The following ARFGEF3 variants were observed in gnomAD, a reference collection of about 807,000 sequenced individuals.
The protein encoded by ARFGEF3 is ARFGEF family member 3, also known as brefeldin A-inhibited guanine nucleotide-exchange protein 3.
ARFGEF3 carries 96 observed loss-of-function variants against 221.7 expected under a neutral mutation model. The observed-to-expected ratio is 0.43, with a 90% CI of 0.37 to 0.51. ARFGEF3 has a LOEUF of 0.51. Among genes scored for constraint, ARFGEF3 ranks in the 20% least tolerant of loss-of-function variants. The pLI is 0.00. For missense variants in ARFGEF3, 2,410 were observed against 2,789.9 expected (o/e 0.86, Z 3.07); for synonymous variants, 1,145 against 1,126.8 (o/e 1.02, Z -0.32).
intron 5 of ARFGEF3, among the ~76,000 whole-genome samples, chr6:138,236,981 C>T (rs1198734118): frequency 3.6e-5 from 5 of 139,102 alleles, no homozygotes; most frequent in Non-Finnish European, 7.5e-5. Context: ...TGGGTTTTGT[C>T]GAGGTTGAGA....
chr6:138,335,692 A>G (rs918415226), intron 33 of ARFGEF3, among the ~76,000 whole-genome samples: 8 of 152,250 alleles, frequency 5.3e-5, no homozygotes, highest in African/African-American at 1.9e-4. Context: ...CTTGGATGAC[A>G]TAGAGAGACC....
chr6:138,266,577 C>T (rs1583040120), intron 12 of ARFGEF3, among the ~76,000 whole-genome samples: 1 of 151,990 alleles, frequency 6.6e-6, no homozygotes, highest in African/African-American at 2.4e-5. Context: ...CGGCTGGGTG[C>T]GGTGGCTCAC....
chr6:138,220,263 G>A (rs189611272), intron 4 of ARFGEF3, among the ~76,000 whole-genome samples: 146 of 152,150 alleles, frequency 9.6e-4, no homozygotes, highest in African/African-American at 3.4e-3. Context: ...TTGGCCTCCC[G>A]AAGTGCTAGG....
intron 4 of ARFGEF3, among the ~76,000 whole-genome samples, chr6:138,215,011 C>T (rs1399744472): frequency 6.6e-6 from 1 of 152,216 alleles, no homozygotes; most frequent in African/African-American, 2.4e-5. Context: ...AGATAGATTA[C>T]CTTGGAAATG....
intron 10 of ARFGEF3, 56 bp downstream of exon 10, chr6:138,255,825 C>T (rs1382402384): frequency 1.4e-5 from 20 of 1,384,404 alleles, no homozygotes; most frequent in Admixed American, 1.1e-4. Flanking sequence ...ACCAGCGTTT[C>T]GCATACAAGA....
chr6:138,331,891 C>T (rs1391191759), intron 32 of ARFGEF3, among the ~76,000 whole-genome samples: 1 of 152,186 alleles, frequency 6.6e-6, no homozygotes, highest in African/African-American at 2.4e-5. Flanking sequence ...TATCATTTCC[C>T]TCCCATTCTG....
intron 2 of ARFGEF3, among the ~76,000 whole-genome samples, chr6:138,192,677 G>A (rs891962250): frequency 6.6e-6 from 1 of 152,230 alleles, no homozygotes; most frequent in Non-Finnish European, 1.5e-5. Context: ...ACCCCTTGCA[G>A]GACAAGACAG....
chr6:138,214,627 C>G (rs1490534013), intron 4 of ARFGEF3, among the ~76,000 whole-genome samples: 2 of 152,134 alleles, frequency 1.3e-5, no homozygotes, highest in African/African-American at 2.4e-5. Flanking sequence ...ATGTCACACT[C>G]TAAAGTGTAT....
chr6:138,166,707 C>A (rs1027384804), intron 1 of ARFGEF3, among the ~76,000 whole-genome samples: 2 of 152,144 alleles, frequency 1.3e-5, no homozygotes, highest in African/African-American at 4.8e-5. Flanking sequence ...AATTGCAGAA[C>A]AGGAGAGCTG....
At position 138,162,054 on chromosome 6, in the gene ARFGEF3, T is replaced by G; in HGVS notation, c.-33T>G. ...CCCGGCTCGCCCGCGCTTCTCTCCC[T>G]GTGGGCGGCGGCCCGGCGCCTGGAA... On this transcript the variant is annotated 5_prime_UTR_variant, in exon 1 of 34. Coordinates refer to ENST00000251691, the MANE Select transcript of ARFGEF3 (RefSeq NM_020340.5). The surrounding 1 kb of genome is among the most constrained non-coding windows in gnomAD (Gnocchi z 4.7). 6.5e-7 allele frequency: 1 copy of G among 1,530,240 alleles called. No individual in the cohort carries two copies. The highest frequency in any genetic ancestry group is 8.8e-7 in the Non-Finnish European group (1 of 1,130,366). 94.8% of individuals were successfully genotyped at this position (1,530,240 alleles called of 1,614,324 possible). A position where few individuals can be genotyped will look rare whatever the true frequency, so the allele number is the denominator to read the frequency against.
At chr6:138,262,589 A>T in intron 11 of ARFGEF3, 112 bp from the exon 12 acceptor site, 1 of 1,071,724 alleles carries the variant, frequency 9.3e-7, no homozygotes, top group Non-Finnish European at 1.3e-6. Context: ...TTCAAATCAG[A>T]CTATCTGTTT....
In ARFGEF3 at chr6:138,210,014, C is replaced by A. The variant is rs115941727; in HGVS notation, c.324C>A (p.Asn108Lys). The change falls in exon 4 of 34, where the codon AAC becomes AAA. Residue 108 changes from asparagine (N) to lysine (K), a missense_variant. Transcript: ENST00000251691. ...LNAVKVTPSL[N>K]EDLQVEVMKV... ...CCGTGAAAGTGACGCCTTCGCTCAA[C>A]GAGGACCTGCAGGTGGAAGTGATGA... 2 of 1,613,796 alleles carry A rather than the reference C, an allele frequency of 1.2e-6. No homozygotes were observed. Among genetic ancestry groups the A allele is most frequent in the East Asian group, 2.2e-5 (1 of 44,874 alleles).
chr6:138,324,107 C>T lies in ARFGEF3; in HGVS notation c.4954C>T (p.Pro1652Ser), dbSNP rs771383496. Residue 1652 changes from proline to serine, a missense_variant, in exon 31 of 34, where the codon CCA becomes TCA. By Grantham distance (74) the Pro-to-Ser change is moderately conservative (BLOSUM62 -1). Around this residue, in one of 5 missense-constraint regions of ARFGEF3, gnomAD observed 723 missense variants for 991.9 expected, o/e 0.73. Transcript: ENST00000251691. ...GCGAGTGGCGGCCCCGTCCTCCTCC[C>T]CAAGTGCCGAGGCCGAGTACTGGCG... ...QVRVAAPSSS[P>S]SAEAEYWRIR... 1 of 1,613,844 alleles carries T rather than the reference C, an allele frequency of 6.2e-7. No individual in the cohort carries two copies. Among genetic ancestry groups the T allele is most frequent in the South Asian group, 1.1e-5 (1 of 91,076 alleles).
chr6:138,336,475 A>G lies in ARFGEF3; in HGVS notation c.6523A>G (p.Ile2175Val). 1 of 1,607,434 alleles carries G rather than the reference A, an allele frequency of 6.2e-7. No homozygotes were observed. Among genetic ancestry groups the G allele is most frequent in the Non-Finnish European group, 8.5e-7 (1 of 1,176,870 alleles). ...GGGCAGGGTGGGCCGTGTCTATGAC[A>G]TCATTGTGTAGCCGACTCCTGTTCT... ...WLGRVGRVYD[I>V]IV The change falls in exon 34 of 34, where the codon ATC becomes GTC. Residue 2175 changes from isoleucine (I) to valine (V), a missense_variant. Coordinates refer to ENST00000251691, the MANE Select transcript of ARFGEF3 (RefSeq NM_020340.5).
chr6:138,253,504 C>T (rs1161969047), intron 8 of ARFGEF3, among the ~76,000 whole-genome samples: 2 of 152,128 alleles, frequency 1.3e-5, no homozygotes, highest in African/African-American at 2.4e-5. Flanking sequence ...CTTCTCTCCG[C>T]GCCTTGTAGA....
At position 138,291,744 on chromosome 6, in the gene ARFGEF3, A is replaced by G; in HGVS notation, c.3059A>G (p.Tyr1020Cys). The G allele has an allele frequency of 1.4e-6, 2 of 1,399,700 alleles. No individual in the cohort carries two copies. Among genetic ancestry groups the G allele is most frequent in the Non-Finnish European group, 1.9e-6 (2 of 1,071,220 alleles). The allele number at this position is 1,399,700 out of a possible 1,614,324, so 86.7% of individuals were successfully genotyped here. Residue 1020 changes from tyrosine to cysteine, a missense_variant, in exon 19 of 34, where the codon TAC (tyrosine) becomes TGC (cysteine). Physicochemically the swap from Tyr to Cys is radical, Grantham distance 194. Around this residue, in one of 5 missense-constraint regions of ARFGEF3, gnomAD observed 594 missense variants for 734.3 expected, o/e 0.81. Coordinates refer to ENST00000251691, the MANE Select transcript of ARFGEF3 (RefSeq NM_020340.5). The surrounding 1 kb of genome is among the most constrained non-coding windows in gnomAD (Gnocchi z 4.5). ...CWPHVFRVCE[Y>C]VGTLEHNHFS... ...TGTGCTCTTTCTAGGGTGTGTGAAT[A>G]CGTGGGCACCCTGGAGCACAACCAC...
intron 17 of ARFGEF3, among the ~76,000 whole-genome samples, chr6:138,288,845 G>T (rs771930570): frequency 2.2e-4 from 34 of 152,182 alleles, no homozygotes; most frequent in Non-Finnish European, 4.6e-4. Flanking sequence ...CACATGCAAT[G>T]ACTTGAAACC....
rs985806992 is a variant in ARFGEF3 at position 138,287,235 on chromosome 6, C to T, written c.2896+51C>T. 4 of 1,359,990 alleles carry T rather than the reference C, an allele frequency of 2.9e-6. No homozygotes were observed. The African/African-American group carries it at 5.8e-5, about 20-fold the overall frequency. 84.2% of individuals were successfully genotyped at this position (1,359,990 alleles called of 1,614,324 possible). A position where few individuals can be genotyped will look rare whatever the true frequency, so the allele number is the denominator to read the frequency against. ...CCTGGTGCCTTGGGTGCAGTATGCA[C>T]ACACCTGCACAGGCCTACACACGCC... On this transcript the variant is annotated intron_variant, in intron 17 of 33. Coordinates refer to ENST00000251691, the MANE Select transcript of ARFGEF3 (RefSeq NM_020340.5).
chr6:138,248,077 A>G (rs1778517460), intron 8 of ARFGEF3, among the ~76,000 whole-genome samples: 1 of 152,236 alleles, frequency 6.6e-6, no homozygotes, highest in Non-Finnish European at 1.5e-5. Flanking sequence ...AGCACTGGGC[A>G]TCTTAAGTTT....
Sources: gnomAD v4.1 joint callset for allele counts (sites outside exome capture counted in the v4.1 genomes callset) on GRCh38, gnomAD v4.1.1 for gene constraint, gnomAD v4.1.1 regional missense constraint, Gnocchi (gnomAD v3.1) non-coding constraint, MANE v1.5 for transcripts, NCBI Gene and HGNC (gene_info 2026-07-23, HGNC 2026-07-21) for gene names.